ADAM28: variants seen among roughly 807,000 people sequenced by gnomAD.
The protein encoded by ADAM28 is disintegrin and metalloproteinase domain-containing protein 28.
A neutral mutation model predicts 101.2 loss-of-function variants in ADAM28; 105 were observed. The ratio of observed to expected loss-of-function variants is 1.04; its 90% confidence interval spans 0.89 to 1.22. ADAM28 has a LOEUF of 1.22. Among genes scored for constraint, ADAM28 ranks in the 50% most tolerant of loss-of-function variants. The pLI is 0.00. For missense variants in ADAM28, 1,028 were observed against 945.4 expected (o/e 1.09, Z -1.15); for synonymous variants, 322 against 310.6 (o/e 1.04, Z -0.39).
intron 1 of ADAM28, among the ~76,000 whole-genome samples, chr8:24,297,213 A>G (rs148554634): frequency 2.0e-5 from 3 of 150,376 alleles, no homozygotes; most frequent in African/African-American, 7.3e-5. Flanking sequence ...TTTGGTTTCC[A>G]TTTGGAAGTG....
At chr8:24,304,721 C>T (rs1336316922) in intron 2 of ADAM28, among the ~76,000 whole-genome samples, 1 of 151,828 alleles carries the variant, frequency 6.6e-6, no homozygotes, top group Non-Finnish European at 1.5e-5. Context: ...AAAAAATTAG[C>T]TGGGTGTGGT....
At chr8:24,339,277 T>C (rs141557399) in intron 14 of ADAM28, among the ~76,000 whole-genome samples, 189 bp from the exon 15 acceptor site, 73 of 152,318 alleles carry the variant, frequency 4.8e-4, no homozygotes, top group African/African-American at 1.3e-3. Context: ...GCTCATTTGA[T>C]ACCAAATTAC....
intron 18 of ADAM28, among the ~76,000 whole-genome samples, chr8:24,344,792 A>ATT (rs1271273375): frequency 6.6e-6 from 1 of 152,064 alleles, no homozygotes; most frequent in Non-Finnish European, 1.5e-5. Flanking sequence ...TTATTTTGAC[A>ATT]TATCTATTGA....
chr8:24,322,650 G>C (rs537931515), intron 8 of ADAM28: 2 of 152,122 alleles, frequency 1.3e-5, no homozygotes, highest in South Asian at 4.1e-4. Flanking sequence ...ACCAGGATTG[G>C]AGTTTTGTCA....
intron 14 of ADAM28, 90 bp downstream of exon 14, chr8:24,335,731 C>G: frequency 7.4e-7 from 1 of 1,343,830 alleles, no homozygotes; most frequent in Non-Finnish European, 9.6e-7. Flanking sequence ...ACCATTCTGT[C>G]CTATCCTTCT....
intron 1 of ADAM28, 139 bp from the exon 2 acceptor site, chr8:24,299,835 C>CACATTAATCACTCTG (rs1321938026): frequency 6.7e-6 from 4 of 593,712 alleles, no homozygotes; most frequent in African/African-American, 1.9e-5. Context: ...CTGGTGTCAG[C>CACATTAATCACTCTG]ACATTAATCA....
In ADAM28 at chr8:24,353,830, A is replaced by G; in HGVS notation, c.2305A>G (p.Lys769Glu). The part of the protein sequence containing the change: ...VFKDNPVSTP[K>E]DSNPKA ...CAAGGATAATCCAGTGTCTACACCT[A>G]AGGTAAGAGATCTATAGCCAAATTA... is the stretch of plus-strand genomic sequence containing the variant. Residue 769 changes from lysine (K) to glutamate (E), a missense_variant and splice_region_variant, in exon 22 of 23, where the codon AAG (lysine) becomes GAG (glutamate). By Grantham distance (56) the Lys-to-Glu change is moderately conservative. Transcript: ENST00000265769. The G allele has an allele frequency of 6.6e-7, 1 of 1,512,976 alleles. No individual in the cohort carries two copies. The highest frequency in any genetic ancestry group is 9.2e-7 in the Non-Finnish European group (1 of 1,089,494). 93.7% of individuals were successfully genotyped at this position (1,512,976 alleles called of 1,614,324 possible). A position where few individuals can be genotyped will look rare whatever the true frequency, so the allele number is the denominator to read the frequency against.
At position 24,329,994 on chromosome 8, in the gene ADAM28, G is replaced by T. The variant is rs1190390417; in HGVS notation, c.982G>T (p.Asp328Tyr). Residue 328 changes from aspartate to tyrosine, a missense_variant, in exon 11 of 23, where the codon GAT (aspartate) becomes TAT (tyrosine). Coordinates refer to ENST00000265769, the MANE Select transcript of ADAM28 (RefSeq NM_014265.6). ...TCTTTCATACCTTTAGGACCACAGC[G>T]ATAATCTTCTTAGAGTTGCAGGGAC... is the stretch of plus-strand genomic sequence containing the variant. Reference protein sequence around the residue: ...YSVGVVQDHSDNLLRVAGTMA... With the variant: ...YSVGVVQDHSYNLLRVAGTMA... 6.2e-7 allele frequency: 1 copy of T among 1,612,868 alleles called. No homozygotes were observed.
intron 8 of ADAM28, among the ~76,000 whole-genome samples, chr8:24,323,166 C>A (rs562645584): frequency 3.3e-5 from 5 of 151,764 alleles, no homozygotes; most frequent in African/African-American, 1.2e-4. Flanking sequence ...TCTCACTGTG[C>A]CTTTATATGG....
intron 6 of ADAM28, among the ~76,000 whole-genome samples, chr8:24,316,663 T>C (rs1222187310): frequency 6.6e-6 from 1 of 152,060 alleles, no homozygotes; most frequent in Non-Finnish European, 1.5e-5. Context: ...TAGCCATTCT[T>C]CTGGTACCAG....
At position 24,355,925 on chromosome 8, in the gene ADAM28, G is replaced by T. The variant is rs886494622; in HGVS notation, c.*1521G>T. ...CATCATCACAGCTACAGTTTTTCTT[G>T]TATTTGTCTGCTTCACCCATTTCTA... On this transcript the variant is annotated 3_prime_UTR_variant, in exon 23 of 23. Coordinates refer to ENST00000265769, the MANE Select transcript of ADAM28 (RefSeq NM_014265.6). 6 of 152,100 alleles carry T rather than the reference G, an allele frequency of 3.9e-5. No homozygotes were observed. The highest frequency in any genetic ancestry group is 5.9e-5 in the Non-Finnish European group (4 of 68,032). 9.4% of individuals were successfully genotyped at this position (152,100 alleles called of 1,614,324 possible). A position where few individuals can be genotyped will look rare whatever the true frequency, so the allele number is the denominator to read the frequency against.
intron 13 of ADAM28, among the ~76,000 whole-genome samples, chr8:24,333,163 GGAGGCTCGGAAAATGGGGA>G (rs1217551976): frequency 1.3e-5 from 2 of 152,192 alleles, no homozygotes; most frequent in East Asian, 3.9e-4. Context: ...CCAAGGGCAA[GGAGGCTCGGAAAATGGGGA>G]GATGATGGTC....
chr8:24,323,228 T>C (rs935782770), intron 8 of ADAM28, among the ~76,000 whole-genome samples: 5 of 151,878 alleles, frequency 3.3e-5, no homozygotes, highest in Admixed American at 3.3e-4. Flanking sequence ...ACTAATCTCA[T>C]TCATGAGGGC....
At chr8:24,343,475 G>A (rs770783225) in intron 17 of ADAM28, 31 bp from the exon 18 acceptor site, 17 of 1,607,412 alleles carry the variant, frequency 1.1e-5, no homozygotes, top group African/African-American at 2.7e-5. Flanking sequence ...TCAGCCTAGC[G>A]GGGACAGTAA....
In ADAM28 at chr8:24,342,635, C is replaced by T. The variant is rs114417785; in HGVS notation, c.1831-466C>T. Among the ~76,000 whole-genome samples the T allele has an allele frequency of 4.2e-3, 642 of 152,144 alleles. 5 individuals are homozygous for T. The highest frequency in any genetic ancestry group is 0.027 in the Middle Eastern group (8 of 294). On this transcript the variant is annotated intron_variant, in intron 16 of 22. Coordinates refer to ENST00000265769, the MANE Select transcript of ADAM28 (RefSeq NM_014265.6). ...TTATATAAAATATAATATTTAACTG[C>T]GTTTTCCAGGTTTTACTAATTTCCT...
At position 24,294,191 on chromosome 8, in the gene ADAM28, T is replaced by TG. The variant is rs1659227484; in HGVS notation, c.43dup (p.Ala15GlyfsTer15). The TG allele has an allele frequency of 6.2e-7, 1 of 1,614,054 alleles. No homozygotes were observed. The highest frequency in any genetic ancestry group is 1.7e-5 in the Admixed American group (1 of 59,992). ...TGCCAGTCAGTCTCCTCCTCTCTGT[T>TG]GCAGGTACATATTTAGCTCTTTTTC... is the stretch of plus-strand genomic sequence containing the variant. On this transcript the variant is annotated frameshift_variant, in exon 1 of 23. Coordinates refer to ENST00000265769, the MANE Select transcript of ADAM28 (RefSeq NM_014265.6). LOFTEE classifies it high-confidence loss of function.
intron 21 of ADAM28, 120 bp downstream of exon 21, chr8:24,352,172 T>C: frequency 1.1e-6 from 1 of 886,380 alleles, no homozygotes. Flanking sequence ...TATGTGAATA[T>C]TAATATAAAA....
chr8:24,341,470 T>C (rs967551147), intron 15 of ADAM28, 128 bp from the exon 16 acceptor site: 36 of 918,662 alleles, frequency 3.9e-5, no homozygotes, highest in African/African-American at 3.4e-4. Flanking sequence ...TAAGGGAAAA[T>C]GAGTGTAAAG....
At chr8:24,313,329 C>G in intron 5 of ADAM28, 59 bp from the exon 6 acceptor site, 1 of 1,444,524 alleles carries the variant, frequency 6.9e-7, no homozygotes, top group Non-Finnish European at 9.2e-7. Flanking sequence ...TCTTATAAAT[C>G]TGTATGAACC....
Sources: gnomAD v4.1 joint callset for allele counts (sites outside exome capture counted in the v4.1 genomes callset) on GRCh38, gnomAD v4.1.1 for gene constraint, MANE v1.5 for transcripts, NCBI Gene and HGNC (gene_info 2026-07-23, HGNC 2026-07-21) for gene names.